The following UBTD2 variants were observed in gnomAD, a reference collection of about 807,000 sequenced individuals.
UBTD2 encodes ubiquitin domain containing 2.
A neutral mutation model predicts 19.8 loss-of-function variants in UBTD2; 9 were observed. That is an observed-to-expected ratio of 0.46 (90% confidence interval 0.27 to 0.79). The LOEUF (loss-of-function observed/expected upper bound fraction) is 0.79, where lower values mean the gene tolerates loss of function less well. UBTD2 is among the 30% of genes least tolerant of loss of function. The pLI is 0.14. For missense variants in UBTD2, 250 were observed against 300.4 expected (o/e 0.83, Z 1.24); for synonymous variants, 98 against 103.9 (o/e 0.94, Z 0.35).
intron 1 of UBTD2, among the ~76,000 whole-genome samples, chr5:172,263,758 A>G (rs1262526143): frequency 1.3e-5 from 2 of 151,970 alleles, no homozygotes; most frequent in Non-Finnish European, 2.9e-5. Context: ...GCGCCACTGC[A>G]CTCCAGCCTG....
chr5:172,254,965 G>C lies in UBTD2; in HGVS notation c.71-20607C>G, dbSNP rs113133022. ...TGAGAGGCTCCTGGAGGTGACTCAT[G>C]TACATAAAGGGGATGGGCTGCACCA... is the stretch of plus-strand genomic sequence containing the variant. On this transcript the variant is annotated intron_variant, in intron 1 of 2. Transcript: ENST00000393792. The C allele has an allele frequency of 1.3e-5, 7 of 555,720 alleles. 1 individual carries two copies. The highest frequency in any genetic ancestry group is 3.8e-5 in the African/African-American group (2 of 53,238). 34.4% of individuals were successfully genotyped at this position (555,720 alleles called of 1,614,324 possible). A position where few individuals can be genotyped will look rare whatever the true frequency, so the allele number is the denominator to read the frequency against.
At chr5:172,241,497 A>G (rs1772126175) in intron 1 of UBTD2, among the ~76,000 whole-genome samples, 1 of 152,074 alleles carries the variant, frequency 6.6e-6, no homozygotes, top group South Asian at 2.1e-4. Context: ...ATGAGACAGA[A>G]TAAAACAACT....
At chr5:172,263,704 G>A (rs1026459772) in intron 1 of UBTD2, among the ~76,000 whole-genome samples, 1 of 152,146 alleles carries the variant, frequency 6.6e-6, no homozygotes, top group Non-Finnish European at 1.5e-5. Context: ...TGAGGCAGGA[G>A]AATGGCGTGG....
chr5:172,247,884 C>T (rs1395923641), intron 1 of UBTD2, among the ~76,000 whole-genome samples: 1 of 152,154 alleles, frequency 6.6e-6, no homozygotes, highest in East Asian at 1.9e-4. Context: ...ACACATTCTT[C>T]TTAAAAACAC....
At chr5:172,233,985 G>T in intron 2 of UBTD2, 137 bp downstream of exon 2, 1 of 801,914 alleles carries the variant, frequency 1.2e-6, no homozygotes, top group Non-Finnish European at 2.0e-6. Context: ...AAAAAAAGAG[G>T]AATGCTATTC....
intron 2 of UBTD2, among the ~76,000 whole-genome samples, chr5:172,228,012 A>G (rs1456957178): frequency 6.6e-6 from 1 of 152,114 alleles, no homozygotes; most frequent in Admixed American, 6.6e-5. Flanking sequence ...TAAAGTCCAC[A>G]CCAAAATTCA....
intron 1 of UBTD2, among the ~76,000 whole-genome samples, chr5:172,280,311 C>T (rs1345693882): frequency 1.3e-5 from 2 of 151,804 alleles, no homozygotes; most frequent in Non-Finnish European, 2.9e-5. Context: ...AGTTCAAGAC[C>T]AGCCAGGCCA....
intron 1 of UBTD2, among the ~76,000 whole-genome samples, chr5:172,278,303 T>C (rs1364503624): frequency 2.0e-5 from 3 of 151,850 alleles, no homozygotes; most frequent in Non-Finnish European, 4.4e-5. Context: ...GGTATATACA[T>C]GGGCAGGAGT....
rs182922514 is a variant in UBTD2 at position 172,278,743 on chromosome 5, C to T, written c.70+4853G>A. Among the ~76,000 whole-genome samples the T allele has an allele frequency of 6.8e-4, 104 of 152,116 alleles. 1 individual carries two copies. Among genetic ancestry groups the T allele is most frequent in the Non-Finnish European group, 1.3e-3 (85 of 67,996 alleles). On this transcript the variant is annotated intron_variant, in intron 1 of 2. Transcript: ENST00000393792. ...ATTACACATTTAAAAATGGTTGAGACGGTAATTGTTATATGTTTTGCCACA... is the reference window on the plus strand; with the variant it reads ...ATTACACATTTAAAAATGGTTGAGATGGTAATTGTTATATGTTTTGCCACA...
At chr5:172,233,580 A>C (rs1242826058) in intron 2 of UBTD2, among the ~76,000 whole-genome samples, 1 of 152,188 alleles carries the variant, frequency 6.6e-6, no homozygotes, top group Non-Finnish European at 1.5e-5. Context: ...GCTCAGGGCT[A>C]CAATCATGGA....
rs148729988 is a variant in UBTD2, at chr5:172,227,352, T to C, written c.307+6770A>G. Among the ~76,000 whole-genome samples the C allele has an allele frequency of 1.3e-3, 194 of 152,212 alleles. 5 individuals carry two copies. The highest frequency in any genetic ancestry group is 0.013 in the Admixed American group (193 of 15,280). On this transcript the variant is annotated intron_variant, in intron 2 of 2. Coordinates refer to ENST00000393792, the MANE Select transcript of UBTD2 (RefSeq NM_152277.3). Reference sequence around the variant, plus strand: ...ACCCTGAACTATTTTTGTTTGAGGATAGAGAGAGAAAAATGATATAACATT... The same window carrying C: ...ACCCTGAACTATTTTTGTTTGAGGACAGAGAGAGAAAAATGATATAACATT...
chr5:172,220,050 T>G (rs561653360), intron 2 of UBTD2, among the ~76,000 whole-genome samples: 3 of 151,542 alleles, frequency 2.0e-5, no homozygotes, highest in Non-Finnish European at 1.5e-5. Context: ...TACAGACCAG[T>G]ATCTCTCATG....
chr5:172,227,418 CCT>C (rs1771791970), intron 2 of UBTD2, among the ~76,000 whole-genome samples: 1 of 152,030 alleles, frequency 6.6e-6, no homozygotes, highest in Non-Finnish European at 1.5e-5. Context: ...TCATTAAGGC[CCT>C]GTTTCATTTC....
intron 1 of UBTD2, among the ~76,000 whole-genome samples, chr5:172,268,154 AAT>A (rs1755415849): frequency 1.3e-5 from 2 of 152,240 alleles, no homozygotes; most frequent in Non-Finnish European, 2.9e-5. Context: ...AATGTATAAA[AAT>A]AGCCATGATA....
At chr5:172,265,783 A>G (rs1755367167) in intron 1 of UBTD2, among the ~76,000 whole-genome samples, 1 of 152,130 alleles carries the variant, frequency 6.6e-6, no homozygotes, top group Non-Finnish European at 1.5e-5. Flanking sequence ...ATCAGACAAA[A>G]CCCTTGCCTT....
intron 1 of UBTD2, among the ~76,000 whole-genome samples, chr5:172,253,242 C>T (rs1471706714): frequency 1.3e-5 from 2 of 152,066 alleles, no homozygotes; most frequent in Non-Finnish European, 2.9e-5. Flanking sequence ...TTACAAAATT[C>T]TAAGCTTTAT....
chr5:172,276,091 A>G (rs922213654), intron 1 of UBTD2, among the ~76,000 whole-genome samples: 2 of 152,188 alleles, frequency 1.3e-5, no homozygotes, highest in Non-Finnish European at 2.9e-5. Context: ...CAGATTCTGT[A>G]GGTCTAAGGC....
intron 2 of UBTD2, among the ~76,000 whole-genome samples, chr5:172,214,158 CTTA>C (rs940955981): frequency 6.6e-6 from 1 of 152,198 alleles, no homozygotes; most frequent in Non-Finnish European, 1.5e-5. Context: ...ATGGTATCAG[CTTA>C]TTATAAATTT....
chr5:172,217,313 G>A lies in UBTD2; in HGVS notation c.308-5086C>T, dbSNP rs555710208. Among the ~76,000 whole-genome samples the A allele has an allele frequency of 5.3e-4, 81 of 151,402 alleles. 1 individual carries two copies. The highest frequency in any genetic ancestry group is 4.2e-4 in the South Asian group (2 of 4,774). On this transcript the variant is annotated intron_variant, in intron 2 of 2. Coordinates refer to ENST00000393792, the MANE Select transcript of UBTD2 (RefSeq NM_152277.3). Reference sequence around the variant, plus strand: ...GGGTGCTTATAATCCCACCTACTCCGGAGGCTGAGGCAGGAGAATGGCATG... The same window carrying A: ...GGGTGCTTATAATCCCACCTACTCCAGAGGCTGAGGCAGGAGAATGGCATG...
Sources: allele counts gnomAD v4.1 joint callset (sites outside exome capture counted in the v4.1 genomes callset), GRCh38; gene constraint gnomAD v4.1.1; transcripts MANE v1.5; gene names NCBI Gene and HGNC (gene_info 2026-07-23, HGNC 2026-07-21).